The following ZNF34 variants were observed in gnomAD, a reference collection of about 807,000 sequenced individuals.
ZNF34 encodes zinc finger protein 34.
ZNF34 carries 8 observed loss-of-function variants against 14.4 expected under a neutral mutation model. The observed-to-expected ratio is 0.55, with a 90% CI of 0.33 to 1.00. The LOEUF (loss-of-function observed/expected upper bound fraction) is 1.00, where lower values mean the gene tolerates loss of function less well. Among genes scored for constraint, ZNF34 ranks in the 50% least tolerant of loss-of-function variants. The probability of loss-of-function intolerance (pLI) is 0.03; values close to 1 mark genes in which losing one functional copy is unlikely to be tolerated. For missense variants in ZNF34, 538 were observed against 674.2 expected, an observed-to-expected ratio of 0.80 and a Z score of 2.24; for synonymous variants, 235 against 247.9, an observed-to-expected ratio of 0.95 and a Z score of 0.49.
In ZNF34 at chr8:144,772,409, C is replaced by G. The variant is rs1247708504; in HGVS notation, c.*857G>C. Among the ~76,000 whole-genome samples, 3 of 152,114 alleles carry G rather than the reference C, an allele frequency of 2.0e-5. No individual in the cohort carries two copies. Among genetic ancestry groups the G allele is most frequent in the Non-Finnish European group, 4.4e-5 (3 of 68,026 alleles). Reference sequence around the variant, plus strand: ...ACACAGTGATGATGGTTACACAACACCATGAATGTACTTAATGCCACTGAA... The same window carrying G: ...ACACAGTGATGATGGTTACACAACAGCATGAATGTACTTAATGCCACTGAA... On this transcript the variant is annotated 3_prime_UTR_variant, in exon 6 of 6. Coordinates refer to ENST00000429371, the MANE Select transcript of ZNF34 (RefSeq NM_001286769.2).
intron 1 of ZNF34, among the ~76,000 whole-genome samples, chr8:144,783,986 C>T (rs1393582252): frequency 3.3e-5 from 5 of 151,770 alleles, no homozygotes; most frequent in Admixed American, 2.6e-4. Flanking sequence ...ATGGTGAAAC[C>T]CCATCTCTAC....
Position 144,779,975 on chromosome 8 carries a change from G to T in ZNF34, c.-55+253C>A, listed in dbSNP as rs1301122481. The stretch of plus-strand genomic sequence containing the variant: ...AGGCTGAGGCGGGAGGACAGCTTGA[G>T]CCCAGGAATTTGAGACAAGCCTGGG... On this transcript the variant is annotated intron_variant, in intron 2 of 5. Transcript: ENST00000429371. The surrounding 1 kb of genome is among the most constrained non-coding windows in gnomAD (Gnocchi z 4.1). Among the ~76,000 whole-genome samples the T allele has an allele frequency of 1.4e-5, 2 of 148,082 alleles. No individual in the cohort carries two copies. The highest frequency in any genetic ancestry group is 2.5e-5 in the African/African-American group (1 of 40,030).
chr8:144,772,691 C>T lies in ZNF34; in HGVS notation c.*575G>A, dbSNP rs958411516. The stretch of plus-strand genomic sequence containing the variant: ...AGTAGCTGGGATTACAGGCACCCAC[C>T]ACCACACCTGGCTAATTTTTGTATT... On this transcript the variant is annotated 3_prime_UTR_variant, in exon 6 of 6. Coordinates refer to ENST00000429371, the MANE Select transcript of ZNF34 (RefSeq NM_001286769.2). Among the ~76,000 whole-genome samples the T allele has an allele frequency of 1.3e-5, 2 of 152,122 alleles. No individual in the cohort carries two copies. The highest frequency in any genetic ancestry group is 6.6e-5 in the Admixed American group (1 of 15,266).
rs377146410 is a variant in ZNF34, at chr8:144,773,932, C to T, written c.954G>A (p.Glu318=). 186 of 1,613,884 alleles carry T rather than the reference C, an allele frequency of 1.2e-4. No individual in the cohort carries two copies. The highest frequency in any genetic ancestry group is 1.5e-4 in the Non-Finnish European group (177 of 1,180,016). ...AGTAGGCGCTAAAGTGCTTCCCACA[C>T]TCCCCACACTTGTAGGGTTTCTCCC... The part of the protein sequence containing the change: ...HTGEKPYKCG[E]CGKHFSAYSS... The change falls in exon 6 of 6, where the codon GAG becomes GAA. Residue 318 remains glutamate, a synonymous_variant. Transcript: ENST00000429371. The surrounding 1 kb of genome is among the most constrained non-coding windows in gnomAD (Gnocchi z 5.4).
intron 1 of ZNF34, chr8:144,785,296 GACC>G (rs1220867028): frequency 6.6e-6 from 1 of 152,072 alleles, no homozygotes; most frequent in South Asian, 2.1e-4. Flanking sequence ...CACAGGATAT[GACC>G]TGGCAAACCC....
intron 1 of ZNF34, among the ~76,000 whole-genome samples, chr8:144,782,478 T>G (rs1373116885): frequency 6.7e-6 from 1 of 150,374 alleles, no homozygotes; most frequent in African/African-American, 2.5e-5. Flanking sequence ...GGCGACAGAG[T>G]GAGACTCTGT....
intron 1 of ZNF34, among the ~76,000 whole-genome samples, chr8:144,786,553 G>T (rs920169683): frequency 2.6e-5 from 4 of 151,748 alleles, no homozygotes; most frequent in African/African-American, 9.7e-5. Flanking sequence ...AGAATCCCTT[G>T]AACTCGGGAG....
In ZNF34 at chr8:144,777,569, G is replaced by A. The variant is rs766037972; in HGVS notation, c.169C>T (p.Pro57Ser). 1 of 1,551,968 alleles carries A rather than the reference G, an allele frequency of 6.4e-7. No homozygotes were observed. Among genetic ancestry groups the A allele is most frequent in the South Asian group, 1.2e-5 (1 of 84,084 alleles). ...ATCACTCCAGGCTTGGGGCCTGCAG[G>A]TCCTACTCCTGGGAAGGAGACAGGG... Reference protein sequence around the residue: ...YGNLVSLGVGPAGPKPGVISQ... With the variant: ...YGNLVSLGVGSAGPKPGVISQ... Residue 57 changes from proline to serine, a missense_variant, in exon 5 of 6, where the codon CCT becomes TCT. Physicochemically the swap from Pro to Ser is moderately conservative, Grantham distance 74. Around this residue, in one of 3 missense-constraint regions of ZNF34, gnomAD observed 431 missense variants for 525.7 expected, o/e 0.82. Transcript: ENST00000429371. The surrounding 1 kb of genome is among the most constrained non-coding windows in gnomAD (Gnocchi z 4.8).
chr8:144,781,278 T>TC (rs1825866481), intron 1 of ZNF34, among the ~76,000 whole-genome samples: 1 of 151,730 alleles, frequency 6.6e-6, no homozygotes. Flanking sequence ...GAGTGAGTTT[T>TC]TTTTTTTTTA....
Position 144,785,126 on chromosome 8 carries a change from A to G in ZNF34, c.-108+2153T>C, listed in dbSNP as rs934104769. ...CCTGCCAAAAAAAAAAAAAAAAAAA[A>G]AAAGAAAAAGGATTCTGTACAAGAC... On this transcript the variant is annotated intron_variant, in intron 1 of 5. Coordinates refer to ENST00000429371, the MANE Select transcript of ZNF34 (RefSeq NM_001286769.2). Among the ~76,000 whole-genome samples, 4 of 151,420 alleles carry G rather than the reference A, an allele frequency of 2.6e-5. 1 individual carries two copies. In the South Asian group the frequency reaches 6.2e-4, roughly 24 times the overall value.
At position 144,777,940 on chromosome 8, in the gene ZNF34, C is replaced by G; in HGVS notation, c.160+98G>C. ...TGCCTGCCTGGGATAAAGGTCATCA[C>G]CTATCTGTGCCCAGGGGGTGAGGCC... On this transcript the variant is annotated intron_variant, in intron 4 of 5. Coordinates refer to ENST00000429371, the MANE Select transcript of ZNF34 (RefSeq NM_001286769.2). The surrounding 1 kb of genome is among the most constrained non-coding windows in gnomAD (Gnocchi z 4.8). 2 of 1,532,004 alleles carry G rather than the reference C, an allele frequency of 1.3e-6. No individual in the cohort carries two copies. The highest frequency in any genetic ancestry group is 2.7e-5 in the African/African-American group (2 of 72,918). 94.9% of individuals were successfully genotyped at this position (1,532,004 alleles called of 1,614,324 possible).
At position 144,780,239 on chromosome 8, in the gene ZNF34, A is replaced by G. The variant is rs371410019; in HGVS notation, c.-66T>C. ...TAAGATTGACTCACCTACCAGAAGC[A>G]TGAGACTCTCGGATTAGATACATGT... On this transcript the variant is annotated 5_prime_UTR_variant, in exon 2 of 6. It removes an upstream start codon present in the reference 5' UTR. Coordinates refer to ENST00000429371, the MANE Select transcript of ZNF34 (RefSeq NM_001286769.2). 1 of 1,550,098 alleles carries G rather than the reference A, an allele frequency of 6.5e-7. No homozygotes were observed.
rs1049923963 is a variant in ZNF34, at chr8:144,772,699, C to T, written c.*567G>A. Among the ~76,000 whole-genome samples the T allele has an allele frequency of 6.6e-6, 1 of 152,114 alleles. No individual in the cohort carries two copies. On this transcript the variant is annotated 3_prime_UTR_variant, in exon 6 of 6. Coordinates refer to ENST00000429371, the MANE Select transcript of ZNF34 (RefSeq NM_001286769.2). ...GGATTACAGGCACCCACCACCACAC[C>T]TGGCTAATTTTTGTATTTTTAGTAG... is the stretch of plus-strand genomic sequence containing the variant.
intron 1 of ZNF34, among the ~76,000 whole-genome samples, chr8:144,781,405 A>C (rs1039325722): frequency 6.6e-5 from 10 of 151,444 alleles, no homozygotes; most frequent in Non-Finnish European, 1.3e-4. Context: ...AGTAGCTGGG[A>C]CCACAGGTGC....
Position 144,778,490 on chromosome 8 carries a change from T to C in ZNF34, c.-19A>G. On this transcript the variant is annotated 5_prime_UTR_variant, in exon 3 of 6. Transcript: ENST00000429371. ...CCGCCATTGCCTGAGGGTTGGGCTTTCTGAGGGCAGTGAGCAGGAGCTGGT... is the reference window on the plus strand; with the variant it reads ...CCGCCATTGCCTGAGGGTTGGGCTTCCTGAGGGCAGTGAGCAGGAGCTGGT... The C allele has an allele frequency of 6.3e-7, 1 of 1,590,904 alleles. No homozygotes were observed. Among genetic ancestry groups the C allele is most frequent in the Non-Finnish European group, 8.6e-7 (1 of 1,169,070 alleles).
At position 144,773,855 on chromosome 8, in the gene ZNF34, C is replaced by T. The variant is rs747347032; in HGVS notation, c.1031G>A (p.Cys344Tyr). The change falls in exon 6 of 6, where the codon TGT becomes TAT. Residue 344 changes from cysteine (C) to tyrosine (Y), a missense_variant. By Grantham distance (194) the Cys-to-Tyr change is radical. Transcript: ENST00000429371. The surrounding 1 kb of genome is among the most constrained non-coding windows in gnomAD (Gnocchi z 5.4). ...ACTGAAGGCTTTCCCGCAGTCATTA[C>T]ATTTATAGGGTTTCTCTCCGGTGTG... ...RIHTGEKPYK[C>Y]NDCGKAFSDG... The T allele has an allele frequency of 6.2e-7, 1 of 1,614,116 alleles. No individual in the cohort carries two copies.
Position 144,774,231 on chromosome 8 carries a change from C to A in ZNF34, c.655G>T (p.Glu219Ter). The change falls in exon 6 of 6, where the codon GAA becomes TAA. Residue 219 changes from glutamate to a stop codon, truncating the protein, a stop_gained. Coordinates refer to ENST00000429371, the MANE Select transcript of ZNF34 (RefSeq NM_001286769.2). LOFTEE classifies it low-confidence loss of function (END_TRUNC). ...EIFSANLVVK[E>*]DQKIPTGKKL... ...TTCCCAGTAGGAATTTTCTGATCTT[C>A]TTTAACAACTAAGTTTGCACTGAAG... The A allele has an allele frequency of 1.2e-6, 2 of 1,613,848 alleles. No homozygotes were observed. Among genetic ancestry groups the A allele is most frequent in the Non-Finnish European group, 1.7e-6 (2 of 1,179,856 alleles).
At chr8:144,780,991 C>T (rs1051517878) in intron 1 of ZNF34, among the ~76,000 whole-genome samples, 1 of 150,944 alleles carries the variant, frequency 6.6e-6, no homozygotes, top group African/African-American at 2.4e-5. Context: ...AAAAAATTAG[C>T]CGGGCGTGGT....
chr8:144,787,245 C>G (rs997244552), intron 1 of ZNF34, 34 bp downstream of exon 1: 1 of 152,562 alleles, frequency 6.6e-6, no homozygotes. Flanking sequence ...GGGTCTGCGC[C>G]CCGCGCGCCC....
Sources: gnomAD v4.1 joint callset for allele counts (sites outside exome capture counted in the v4.1 genomes callset) on GRCh38, gnomAD v4.1.1 for gene constraint, gnomAD v4.1.1 regional missense constraint, Gnocchi (gnomAD v3.1) non-coding constraint, MANE v1.5 for transcripts, NCBI Gene and HGNC (gene_info 2026-07-23, HGNC 2026-07-21) for gene names.